Variants in CFAP91 observed in about 807,000 individuals in gnomAD.
CFAP91 encodes the protein cilia- and flagella-associated protein 91.
A neutral mutation model predicts 95.9 loss-of-function variants in CFAP91; 85 were observed. The ratio of observed to expected loss-of-function variants is 0.89; its 90% confidence interval spans 0.74 to 1.06. The LOEUF is 1.06. CFAP91 is among the 50% of genes least tolerant of loss of function. The pLI is 0.00. For synonymous variants in CFAP91, 335 were observed against 327.5 expected, an observed-to-expected ratio of 1.02 and a Z score of -0.25; for missense variants, 962 against 943.4, an observed-to-expected ratio of 1.02 and a Z score of -0.26.
At chr3:119,744,229 C>A in intron 14 of CFAP91, 33 bp downstream of exon 14, 1 of 1,537,078 alleles carries the variant, frequency 6.5e-7, no homozygotes, top group Non-Finnish European at 8.8e-7. Flanking sequence ...GTGGAAGCTG[C>A]CTAGAAGGAG....
At chr3:119,710,578 C>T (rs1438895500) in intron 5 of CFAP91, among the ~76,000 whole-genome samples, 1 of 152,200 alleles carries the variant, frequency 6.6e-6, no homozygotes, top group African/African-American at 2.4e-5. Flanking sequence ...GACACATATT[C>T]AAATTGTAGC....
chr3:119,737,652 C>T lies in CFAP91; in HGVS notation c.1461+170C>T, dbSNP rs117884574. On this transcript the variant is annotated intron_variant, in intron 11 of 17. Transcript: ENST00000273390. ...CAAACATCAGACACAGAAAAACAAA[C>T]GAGATGAAATGAAATCTAAACCCAG... 6.6e-5 allele frequency among the ~76,000 whole-genome samples: 10 copies of T among 152,176 alleles called. No individual in the cohort carries two copies. The East Asian group carries it at 7.7e-4, about 12-fold the overall frequency.
At chr3:119,722,436 G>A (rs991352637) in intron 6 of CFAP91, among the ~76,000 whole-genome samples, 1 of 151,986 alleles carries the variant, frequency 6.6e-6, no homozygotes, top group African/African-American at 2.4e-5. Context: ...TCCAGCCTAG[G>A]TGACAGAGCA....
At chr3:119,706,695 A>G in intron 1 of CFAP91, 114 bp from the exon 2 acceptor site, 1 of 787,514 alleles carries the variant, frequency 1.3e-6, no homozygotes, top group Non-Finnish European at 2.1e-6. Flanking sequence ...GTCAGACAAT[A>G]TTTAAACTTT....
intron 15 of CFAP91, 55 bp from the exon 16 acceptor site, chr3:119,747,756 A>G (rs1414426555): frequency 6.9e-7 from 1 of 1,449,628 alleles, no homozygotes; most frequent in Non-Finnish European, 9.6e-7. Flanking sequence ...AGCATAAATC[A>G]GCAGCTCAAG....
chr3:119,733,323 G>C, intron 9 of CFAP91, 41 bp from the exon 10 acceptor site: 1 of 1,598,890 alleles, frequency 6.3e-7, no homozygotes, highest in Non-Finnish European at 8.5e-7. Flanking sequence ...AATAATAAAC[G>C]TAAGCACTGG....
At chr3:119,761,140 C>A (rs4687882) in intron 17 of CFAP91, among the ~76,000 whole-genome samples, 44,715 of 151,012 alleles carry the variant, frequency 0.3, 7,544 homozygotes, top group African/African-American at 0.47. Context: ...CTACTTAAGG[C>A]CAAAGAGGGA....
chr3:119,733,584 A>C, intron 10 of CFAP91, 78 bp downstream of exon 10: 2 of 1,468,470 alleles, frequency 1.4e-6, no homozygotes, highest in Non-Finnish European at 1.9e-6. Context: ...AAATTGCAGC[A>C]ATGTCCAGTG....
intron 3 of CFAP91, 61 bp downstream of exon 3, chr3:119,707,622 A>G: frequency 7.0e-7 from 1 of 1,434,530 alleles, no homozygotes; most frequent in South Asian, 1.6e-5. Context: ...CTTTAAATTC[A>G]TTTACCATGT....
At position 119,708,580 on chromosome 3, in the gene CFAP91, C is replaced by T. The variant is rs773529349; in HGVS notation, c.360-11C>T. The T allele has an allele frequency of 1.3e-6, 2 of 1,563,234 alleles. No individual in the cohort carries two copies. Among genetic ancestry groups the T allele is most frequent in the South Asian group, 1.2e-5 (1 of 86,552 alleles). ...TTTAGACTTGAATAATGTTTTCTTG[C>T]TTCATTTTAGAACTGACGCTTCTTT... On this transcript the variant is annotated splice_polypyrimidine_tract_variant and intron_variant, in intron 3 of 17. Coordinates refer to ENST00000273390, the MANE Select transcript of CFAP91 (RefSeq NM_033364.4).
At chr3:119,724,883 T>A (rs1440427568) in intron 6 of CFAP91, among the ~76,000 whole-genome samples, 5 of 152,140 alleles carry the variant, frequency 3.3e-5, no homozygotes, top group Admixed American at 3.3e-4. Context: ...TAGCTGGGAC[T>A]ACAGGCGCCC....
Position 119,731,279 on chromosome 3 carries a change from A to G in CFAP91, c.1018+902A>G, listed in dbSNP as rs1254256323. On this transcript the variant is annotated intron_variant, in intron 8 of 17. Transcript: ENST00000273390. ...TCAATTACATGTGCAGACTATTTATATATGTACTCATTCACAATATAATCA... is the reference window on the plus strand; with the variant it reads ...TCAATTACATGTGCAGACTATTTATGTATGTACTCATTCACAATATAATCA... Among the ~76,000 whole-genome samples the G allele has an allele frequency of 2.0e-5, 3 of 152,222 alleles. No individual in the cohort carries two copies. The East Asian group carries it at 5.8e-4, about 29-fold the overall frequency.
rs115304415 is a variant in CFAP91 at position 119,727,203 on chromosome 3, G to A, written c.860+855G>A. Reference sequence around the variant, plus strand: ...CTTACACACAAGAGAGGGACCTAGAGAGTTAGAGTCTCAGCTTGGTGCTAA... The same window carrying A: ...CTTACACACAAGAGAGGGACCTAGAAAGTTAGAGTCTCAGCTTGGTGCTAA... On this transcript the variant is annotated intron_variant, in intron 7 of 17. Coordinates refer to ENST00000273390, the MANE Select transcript of CFAP91 (RefSeq NM_033364.4). 5.7e-3 allele frequency among the ~76,000 whole-genome samples: 862 copies of A among 152,324 alleles called. 7 individuals are homozygous for A. Among genetic ancestry groups the A allele is most frequent in the African/African-American group, 0.019 (806 of 41,568 alleles).
intron 17 of CFAP91, among the ~76,000 whole-genome samples, chr3:119,758,124 C>T (rs899663594): frequency 6.6e-6 from 1 of 152,152 alleles, no homozygotes; most frequent in Non-Finnish European, 1.5e-5. Context: ...ATCATACTGA[C>T]ATTCAGTGAT....
At chr3:119,753,872 G>A (rs1446135491) in intron 17 of CFAP91, among the ~76,000 whole-genome samples, 1 of 152,172 alleles carries the variant, frequency 6.6e-6, no homozygotes. Flanking sequence ...TTTGTGATTA[G>A]ACACAGTCTT....
Position 119,732,315 on chromosome 3 carries a change from A to G in CFAP91, c.1040A>G (p.Lys347Arg), listed in dbSNP as rs1175345391. 2.5e-6 allele frequency: 4 copies of G among 1,602,756 alleles called. No individual in the cohort carries two copies. In the Admixed American group the frequency reaches 5.2e-5, roughly 21 times the overall value. Residue 347 changes from lysine (K) to arginine (R), a missense_variant, in exon 9 of 18, where the codon AAG (lysine) becomes AGG (arginine). Physicochemically the swap from Lys to Arg is conservative, Grantham distance 26. Coordinates refer to ENST00000273390, the MANE Select transcript of CFAP91 (RefSeq NM_033364.4). ...TCAGCAATCAGAAAACTTGTAGGAAAGAGAAAGAATATAGAAGGGAAGTTG... is the reference window on the plus strand; with the variant it reads ...TCAGCAATCAGAAAACTTGTAGGAAGGAGAAAGAATATAGAAGGGAAGTTG... ...HVSTIRKLVG[K>R]RKNIEGKLER... is the part of the protein sequence containing the mutation.
chr3:119,759,354 T>C (rs1168641462), intron 17 of CFAP91, among the ~76,000 whole-genome samples: 1 of 151,968 alleles, frequency 6.6e-6, no homozygotes, highest in Non-Finnish European at 1.5e-5. Context: ...AGAATAGTGA[T>C]TACCTTTAGG....
At chr3:119,754,576 T>A (rs2054389468) in intron 17 of CFAP91, among the ~76,000 whole-genome samples, 1 of 152,234 alleles carries the variant, frequency 6.6e-6, no homozygotes, top group African/African-American at 2.4e-5. Context: ...TTGGACTTCT[T>A]GAATTAGACA....
chr3:119,712,120 G>A (rs1276629143), intron 5 of CFAP91, among the ~76,000 whole-genome samples: 2 of 152,206 alleles, frequency 1.3e-5, no homozygotes, highest in Non-Finnish European at 2.9e-5. Context: ...GCAGATGTGG[G>A]ACCTTTCTGA....
Sources: allele counts gnomAD v4.1 joint callset (sites outside exome capture counted in the v4.1 genomes callset), GRCh38; gene constraint gnomAD v4.1.1; transcripts MANE v1.5; gene names NCBI Gene and HGNC (gene_info 2026-07-23, HGNC 2026-07-21).